The following TAFA2 variants were observed in gnomAD, a reference collection of about 807,000 sequenced individuals.
TAFA2 encodes the protein chemokine-like protein TAFA-2.
In TAFA2, 7 loss-of-function variants were observed where a neutral mutation model predicts 18.8. The ratio of observed to expected loss-of-function variants is 0.37; its 90% confidence interval spans 0.21 to 0.70. The LOEUF is 0.70. TAFA2 is among the 30% of genes least tolerant of loss of function. The probability of loss-of-function intolerance (pLI) is 0.53; values close to 1 mark genes in which losing one functional copy is unlikely to be tolerated. For synonymous variants in TAFA2, 60 were observed against 54.2 expected (o/e 1.11, Z -0.47); for missense variants, 122 against 158.1 (o/e 0.77, Z 1.23).
intron 1 of TAFA2, among the ~76,000 whole-genome samples, chr12:62,025,159 C>T (rs115963395): frequency 6.6e-6 from 1 of 152,208 alleles, no homozygotes; most frequent in African/African-American, 2.4e-5. Flanking sequence ...CACATATACT[C>T]ATATGTTCAT....
intron 1 of TAFA2, chr12:61,879,943 G>A: frequency 1.1e-6 from 1 of 896,350 alleles, no homozygotes; most frequent in South Asian, 1.3e-5. Flanking sequence ...ACAAGAACAA[G>A]GTAGAGCTGG....
chr12:61,785,319 TTGTGTGTGTGTGTGTGTGTGTG>T (rs57166010), intron 2 of TAFA2, among the ~76,000 whole-genome samples: 2 of 140,084 alleles, frequency 1.4e-5, no homozygotes, highest in Non-Finnish European at 3.1e-5. Flanking sequence ...AATAGTATTC[TTGTGTGTGTGTGTGTGTGTGTG>T]TGTGTGTGTG....
At chr12:61,724,035 T>C (rs1332534475) in intron 4 of TAFA2, among the ~76,000 whole-genome samples, 1 of 152,118 alleles carries the variant, frequency 6.6e-6, no homozygotes, top group Admixed American at 6.6e-5. Flanking sequence ...GCACAATGAT[T>C]GGTTCACCAT....
chr12:62,137,756 C>T (rs1325482306), intron 1 of TAFA2, among the ~76,000 whole-genome samples: 1 of 152,112 alleles, frequency 6.6e-6, no homozygotes, highest in Non-Finnish European at 1.5e-5. Flanking sequence ...GACCCTCATA[C>T]AGCCCATACT....
At chr12:61,877,400 T>C (rs902136950) in intron 1 of TAFA2, among the ~76,000 whole-genome samples, 1 of 152,166 alleles carries the variant, frequency 6.6e-6, no homozygotes, top group Admixed American at 6.5e-5. Context: ...TGCAATCATA[T>C]GGCAAAGCAG....
At chr12:61,781,940 G>T (rs1853398588) in intron 2 of TAFA2, among the ~76,000 whole-genome samples, 1 of 151,504 alleles carries the variant, frequency 6.6e-6, no homozygotes. Context: ...ATTCACCAAT[G>T]AATAAAATTC....
intron 1 of TAFA2, among the ~76,000 whole-genome samples, chr12:61,928,145 C>A (rs1046174107): frequency 6.6e-5 from 10 of 152,106 alleles, no homozygotes; most frequent in South Asian, 2.1e-4. Context: ...GGCAACGAAG[C>A]CAAAATTGAC....
chr12:61,996,839 C>T (rs1229752026), intron 1 of TAFA2, among the ~76,000 whole-genome samples: 2 of 152,108 alleles, frequency 1.3e-5, no homozygotes, highest in Non-Finnish European at 2.9e-5. Context: ...ATTTTTATAA[C>T]CTTACCAAGA....
At chr12:61,781,971 T>G (rs535322377) in intron 2 of TAFA2, among the ~76,000 whole-genome samples, 2 of 151,818 alleles carry the variant, frequency 1.3e-5, no homozygotes, top group East Asian at 3.9e-4. Flanking sequence ...TTTACATGTT[T>G]CAATTTTTTT....
chr12:62,081,036 A>C (rs1428173384), intron 1 of TAFA2, among the ~76,000 whole-genome samples: 1 of 152,102 alleles, frequency 6.6e-6, no homozygotes, highest in Admixed American at 6.6e-5. Context: ...CTACGAAAAG[A>C]CACAAAAAAT....
At chr12:61,754,307 A>G (rs1869160273) in intron 3 of TAFA2, among the ~76,000 whole-genome samples, 1 of 152,054 alleles carries the variant, frequency 6.6e-6, no homozygotes, top group Non-Finnish European at 1.5e-5. Context: ...GCACTTAACA[A>G]ATTACTATTT....
intron 1 of TAFA2, among the ~76,000 whole-genome samples, chr12:61,998,215 C>G (rs1880264538): frequency 6.6e-6 from 1 of 152,092 alleles, no homozygotes; most frequent in East Asian, 1.9e-4. Context: ...TTCAGGACAT[C>G]AATATGAGGG....
chr12:61,887,638 T>C (rs1276479998), intron 1 of TAFA2, among the ~76,000 whole-genome samples: 1 of 136,448 alleles, frequency 7.3e-6, no homozygotes, highest in Non-Finnish European at 1.5e-5. Flanking sequence ...CCTGTGTCCA[T>C]GTGATCTCAT....
chr12:61,729,877 T>C (rs1870359113), intron 4 of TAFA2, among the ~76,000 whole-genome samples: 1 of 152,112 alleles, frequency 6.6e-6, no homozygotes, highest in African/African-American at 2.4e-5. Context: ...GATCTGGGAC[T>C]CAAGGGCTGT....
At chr12:61,744,028 A>G (rs916111942) in intron 4 of TAFA2, among the ~76,000 whole-genome samples, 3 of 152,100 alleles carry the variant, frequency 2.0e-5, no homozygotes, top group African/African-American at 7.2e-5. Flanking sequence ...AAAACCAGGT[A>G]AAAGTGTTGC....
chr12:62,110,761 T>C (rs1316876424), intron 1 of TAFA2, among the ~76,000 whole-genome samples: 1 of 152,084 alleles, frequency 6.6e-6, no homozygotes, highest in Admixed American at 6.6e-5. Context: ...CTTCTAGATT[T>C]TCAAGTTTCT....
chr12:61,745,614 T>A (rs567095708), intron 4 of TAFA2, among the ~76,000 whole-genome samples: 7 of 152,228 alleles, frequency 4.6e-5, no homozygotes, highest in African/African-American at 1.7e-4. Flanking sequence ...ATTTACTTAC[T>A]TATTTTGTTT....
chr12:62,101,700 G>T (rs529954861), intron 1 of TAFA2, among the ~76,000 whole-genome samples: 1 of 152,252 alleles, frequency 6.6e-6, no homozygotes, highest in East Asian at 1.9e-4. Flanking sequence ...GTCTATTTGA[G>T]AGCCCTTTCA....
At chr12:61,889,466 G>C (rs1005572149) in intron 1 of TAFA2, among the ~76,000 whole-genome samples, 2 of 152,104 alleles carry the variant, frequency 1.3e-5, no homozygotes, top group African/African-American at 4.8e-5. Flanking sequence ...AGCTCCCTGA[G>C]AAGTTGGCTG....
Sources: allele counts gnomAD v4.1 joint callset (sites outside exome capture counted in the v4.1 genomes callset), GRCh38; gene constraint gnomAD v4.1.1; transcripts MANE v1.5; gene names NCBI Gene and HGNC (gene_info 2026-07-23, HGNC 2026-07-21).